Variants in DPY30 observed in about 807,000 individuals in gnomAD.
The protein encoded by DPY30 is protein dpy-30 homolog.
In DPY30, 6 loss-of-function variants were observed where a neutral mutation model predicts 16.2. That is an observed-to-expected ratio of 0.37 (90% CI 0.20 to 0.73). The LOEUF (loss-of-function observed/expected upper bound fraction) is 0.73, where lower values mean the gene tolerates loss of function less well. DPY30 is among the 30% of genes least tolerant of loss of function. The pLI is 0.51. For synonymous variants in DPY30, 39 were observed against 38.8 expected, an observed-to-expected ratio of 1.00 and a Z score of -0.02; for missense variants, 73 against 113.1, an observed-to-expected ratio of 0.65 and a Z score of 1.61.
At chr2:32,030,911 T>C (rs1675514911) in intron 3 of DPY30, among the ~76,000 whole-genome samples, 2 of 152,142 alleles carry the variant, frequency 1.3e-5, no homozygotes, top group East Asian at 1.9e-4. Flanking sequence ...ATCATTAATG[T>C]CACACTTAAA....
intron 4 of DPY30, among the ~76,000 whole-genome samples, chr2:32,027,806 C>A (rs1232884735): frequency 6.6e-6 from 1 of 151,510 alleles, no homozygotes; most frequent in Non-Finnish European, 1.5e-5. Flanking sequence ...TTTTTTGTAT[C>A]GTTACTAGAG....
chr2:32,015,064 T>C (rs1175087385), intron 5 of DPY30, among the ~76,000 whole-genome samples: 1 of 151,292 alleles, frequency 6.6e-6, no homozygotes, highest in Admixed American at 6.6e-5. Flanking sequence ...TTGTGCCATA[T>C]ACATATACTA....
In DPY30 at chr2:32,029,628, A is replaced by G; in HGVS notation, c.193T>C (p.Leu65=). 6.2e-7 allele frequency: 1 copy of G among 1,613,658 alleles called. No individual in the cohort carries two copies. Among genetic ancestry groups the G allele is most frequent in the Non-Finnish European group, 8.5e-7 (1 of 1,179,984 alleles). ...GCAAGCACAGCAAGTCCCTGTAATA[A>G]GATAGGCACAACTGTCTGATCCAGG... ...AYLDQTVVPI[L]LQGLAVLAKE... The change falls in exon 4 of 5, where the codon TTA becomes CTA. Residue 65 remains leucine, a synonymous_variant. Transcript: ENST00000342166.
At chr2:32,031,532 G>A (rs1376738980) in intron 3 of DPY30, among the ~76,000 whole-genome samples, 2 of 152,122 alleles carry the variant, frequency 1.3e-5, no homozygotes, top group East Asian at 1.9e-4. Flanking sequence ...GGGAGGCAGT[G>A]GTTGCAGTGA....
intron 3 of DPY30, 118 bp downstream of exon 3, chr2:32,039,161 T>A: frequency 8.3e-7 from 1 of 1,198,424 alleles, no homozygotes; most frequent in Non-Finnish European, 1.2e-6. Flanking sequence ...CTTGATACTA[T>A]TCAGTTCACG....
At chr2:32,035,546 C>T (rs913436532) in intron 3 of DPY30, among the ~76,000 whole-genome samples, 6 of 150,594 alleles carry the variant, frequency 4.0e-5, no homozygotes, top group African/African-American at 1.2e-4. Flanking sequence ...GCCAAGATCG[C>T]GCCACTGCAC....
intron 3 of DPY30, among the ~76,000 whole-genome samples, chr2:32,034,696 G>A (rs529526828): frequency 6.6e-6 from 1 of 152,218 alleles, no homozygotes; most frequent in South Asian, 2.1e-4. Flanking sequence ...CAGTGACACA[G>A]GGGAAGAAAA....
intron 3 of DPY30, among the ~76,000 whole-genome samples, chr2:32,030,401 C>G (rs964132130): frequency 6.6e-6 from 1 of 151,964 alleles, no homozygotes; most frequent in Non-Finnish European, 1.5e-5. Flanking sequence ...GAGGCCGAGG[C>G]GGGCAGATCA....
intron 3 of DPY30, among the ~76,000 whole-genome samples, chr2:32,033,107 T>C (rs986060102): frequency 6.7e-6 from 1 of 149,072 alleles, no homozygotes; most frequent in African/African-American, 2.5e-5. Flanking sequence ...GGTCAGGAGT[T>C]CCAGACCAGC....
At chr2:32,019,835 A>ATAT (rs1553386424), downstream of DPY30, among the ~76,000 whole-genome samples, 22 of 123,004 alleles carry the variant, frequency 1.8e-4, no homozygotes, top group African/African-American at 4.8e-4. Flanking sequence ...AAAAAAAAAA[A>ATAT]ATATATATAT....
In DPY30 at chr2:32,012,690, G is replaced by A. The variant is rs554484696; in HGVS notation, n.378-638C>T. ...TAACCTCAGGTGATCCACCGGCCTCGGCCTCCCAAAGTGCTGGGATTACAG... is the reference window on the plus strand; with the variant it reads ...TAACCTCAGGTGATCCACCGGCCTCAGCCTCCCAAAGTGCTGGGATTACAG... On this transcript the variant is annotated intron_variant and non_coding_transcript_variant, in intron 5 of 5. Coordinates refer to the DPY30 transcript ENST00000414013. 1.3e-4 allele frequency among the ~76,000 whole-genome samples: 20 copies of A among 151,992 alleles called. No individual in the cohort carries two copies. In the East Asian group the frequency reaches 2.5e-3, roughly 19 times the overall value.
chr2:32,023,948 G>C lies in DPY30; in HGVS notation c.*236C>G. 7.2e-7 allele frequency: 1 copy of C among 1,390,720 alleles called. No homozygotes were observed. Among genetic ancestry groups the C allele is most frequent in the African/African-American group, 1.5e-5 (1 of 68,738 alleles). 86.1% of individuals were successfully genotyped at this position (1,390,720 alleles called of 1,614,324 possible). A position where few individuals can be genotyped will look rare whatever the true frequency, so the allele number is the denominator to read the frequency against. ...TTTTGAAGGTCATTTTAAAAACAAA[G>C]TTAAAGACAATCTGAGAAAAAAATT... On this transcript the variant is annotated 3_prime_UTR_variant, in exon 5 of 5. Transcript: ENST00000342166.
At chr2:32,020,737 C>T (rs1241612772), downstream of DPY30, among the ~76,000 whole-genome samples, 1 of 151,802 alleles carries the variant, frequency 6.6e-6, no homozygotes, top group East Asian at 1.9e-4. Flanking sequence ...AACTTAAATC[C>T]ACCTCACAGG....
At chr2:32,021,191 C>T (rs1675172141), downstream of DPY30, 1 of 152,206 alleles carries the variant, frequency 6.6e-6, no homozygotes, top group South Asian at 2.1e-4. Flanking sequence ...ATTGCTTGAA[C>T]CTGGGAGGCG....
intron 5 of DPY30, among the ~76,000 whole-genome samples, chr2:32,016,295 T>C (rs1390846320): frequency 6.6e-6 from 1 of 152,234 alleles, no homozygotes; most frequent in Non-Finnish European, 1.5e-5. Flanking sequence ...ACTTTTCTTC[T>C]TTGCTAATTT....
chr2:32,028,112 C>CTT (rs1159330100), intron 4 of DPY30, among the ~76,000 whole-genome samples: 19 of 136,198 alleles, frequency 1.4e-4, no homozygotes, highest in Admixed American at 3.0e-4. Context: ...GATATATTTC[C>CTT]TTTTTTTTTT....
chr2:32,013,697 T>G (rs1388066372), intron 5 of DPY30, among the ~76,000 whole-genome samples: 3 of 152,192 alleles, frequency 2.0e-5, no homozygotes, highest in African/African-American at 7.2e-5. Context: ...ACAATCCTTA[T>G]GAAGCTCAGA....
chr2:32,033,002 ATAATAAT>A (rs1006816655), intron 3 of DPY30, among the ~76,000 whole-genome samples: 10 of 115,364 alleles, frequency 8.7e-5, no homozygotes, highest in African/African-American at 3.6e-4. Flanking sequence ...TCTCAAAAAA[ATAATAAT>A]AACTTTTTTT....
intron 5 of DPY30, among the ~76,000 whole-genome samples, chr2:32,018,373 A>G (rs1321654078): frequency 1.3e-5 from 2 of 152,194 alleles, no homozygotes; most frequent in African/African-American, 4.8e-5. Context: ...AAGAACTCAT[A>G]CCCAAAGACA....
Sources: allele counts gnomAD v4.1 joint callset (sites outside exome capture counted in the v4.1 genomes callset), GRCh38; gene constraint gnomAD v4.1.1; transcripts MANE v1.5; gene names NCBI Gene and HGNC (gene_info 2026-07-23, HGNC 2026-07-21).